MTSS1: variants seen among roughly 807,000 people sequenced by gnomAD.
MTSS1 encodes the protein protein MTSS 1.
A neutral mutation model predicts 79.0 loss-of-function variants in MTSS1; 18 were observed. The ratio of observed to expected loss-of-function variants is 0.23; its 90% CI spans 0.16 to 0.34. The LOEUF (loss-of-function observed/expected upper bound fraction) is 0.34. MTSS1 is among the 10% of genes least tolerant of loss of function. The pLI, the probability that MTSS1 is intolerant of heterozygous loss-of-function variation, is 1.00. For synonymous variants in MTSS1, 341 were observed against 368.6 expected, an observed-to-expected ratio of 0.93 and a Z score of 0.86; for missense variants, 815 against 986.2, an observed-to-expected ratio of 0.83 and a Z score of 2.33.
At chr8:124,682,596 A>C (rs1826302534) in intron 3 of MTSS1, among the ~76,000 whole-genome samples, 1 of 152,210 alleles carries the variant, frequency 6.6e-6, no homozygotes, top group African/African-American at 2.4e-5. Context: ...AGGAGGCTAA[A>C]GTGGCCGGTT....
At chr8:124,604,391 C>G (rs1834446140) in intron 3 of MTSS1, among the ~76,000 whole-genome samples, 1 of 152,052 alleles carries the variant, frequency 6.6e-6, no homozygotes, top group South Asian at 2.1e-4. Flanking sequence ...TTCAAGGAAA[C>G]TAAGAGAAGA....
At chr8:124,600,982 C>T (rs1833685683) in intron 3 of MTSS1, among the ~76,000 whole-genome samples, 1 of 152,140 alleles carries the variant, frequency 6.6e-6, no homozygotes, top group African/African-American at 2.4e-5. Context: ...CTGCCCCCAC[C>T]CCTTCAAAAC....
At chr8:124,573,811 T>C (rs547502089) in intron 6 of MTSS1, among the ~76,000 whole-genome samples, 1 of 152,222 alleles carries the variant, frequency 6.6e-6, no homozygotes, top group Non-Finnish European at 1.5e-5. Flanking sequence ...TTTGTTTTTT[T>C]CCTGGTGCTA....
intron 10 of MTSS1, among the ~76,000 whole-genome samples, chr8:124,561,287 G>A (rs1014813895): frequency 1.3e-4 from 20 of 152,172 alleles, no homozygotes; most frequent in South Asian, 4.2e-4. Flanking sequence ...GAATGGTGGC[G>A]CGTGCCTGTA....
chr8:124,648,969 G>C (rs1348617136), intron 3 of MTSS1, among the ~76,000 whole-genome samples: 2 of 152,246 alleles, frequency 1.3e-5, no homozygotes, highest in African/African-American at 4.8e-5. Flanking sequence ...AATGGATCCA[G>C]ATTAATCTTC....
intron 3 of MTSS1, among the ~76,000 whole-genome samples, chr8:124,674,586 C>T (rs866802288): frequency 1.3e-5 from 2 of 152,122 alleles, no homozygotes; most frequent in African/African-American, 2.4e-5. Context: ...CGCAGGGATC[C>T]GCCCCCCTCG....
At chr8:124,694,108 T>C (rs1828401342) in intron 3 of MTSS1, among the ~76,000 whole-genome samples, 1 of 152,232 alleles carries the variant, frequency 6.6e-6, no homozygotes, top group Non-Finnish European at 1.5e-5. Flanking sequence ...TTTTTTGTGC[T>C]ACACAGATTT....
At chr8:124,676,871 C>A (rs78026740) in intron 3 of MTSS1, among the ~76,000 whole-genome samples, 1 of 152,160 alleles carries the variant, frequency 6.6e-6, no homozygotes, top group African/African-American at 2.4e-5. Context: ...ACAAAACACA[C>A]GCTGATGAAA....
chr8:124,636,630 C>A (rs1334090988), intron 3 of MTSS1, among the ~76,000 whole-genome samples: 1 of 152,084 alleles, frequency 6.6e-6, no homozygotes, highest in Non-Finnish European at 1.5e-5. Flanking sequence ...TATCTATGAT[C>A]ACTGAGGCCT....
At chr8:124,670,198 C>T (rs1823861249) in intron 3 of MTSS1, among the ~76,000 whole-genome samples, 1 of 152,092 alleles carries the variant, frequency 6.6e-6, no homozygotes, top group African/African-American at 2.4e-5. Flanking sequence ...GCTGGGCGGT[C>T]AGAAAAGGCC....
At chr8:124,595,724 G>T (rs1832642790) in intron 3 of MTSS1, among the ~76,000 whole-genome samples, 1 of 152,088 alleles carries the variant, frequency 6.6e-6, no homozygotes, top group Non-Finnish European at 1.5e-5. Context: ...CAGGTTCTAG[G>T]GGTTAGAACG....
At chr8:124,589,016 A>G (rs554868765) in intron 5 of MTSS1, among the ~76,000 whole-genome samples, 2 of 148,268 alleles carry the variant, frequency 1.3e-5, no homozygotes, top group African/African-American at 5.0e-5. Context: ...CACCCGGCCT[A>G]TGATTTCTTC....
intron 3 of MTSS1, among the ~76,000 whole-genome samples, chr8:124,693,603 A>G (rs558276365): frequency 1.3e-5 from 2 of 152,334 alleles, no homozygotes; most frequent in Admixed American, 6.5e-5. Context: ...ATTAAAGCGC[A>G]TGTCTGATGG....
At chr8:124,558,022 G>T in intron 10 of MTSS1, 147 bp from the exon 11 acceptor site, 2 of 649,536 alleles carry the variant, frequency 3.1e-6, no homozygotes, top group Non-Finnish European at 5.1e-6. Context: ...TGCTGCTCAC[G>T]GATGATCTGT....
rs1272802091 is a variant in MTSS1 at position 124,585,074 on chromosome 8, T to G, written c.460+13A>C. The G allele has an allele frequency of 6.2e-7, 1 of 1,609,916 alleles. No individual in the cohort carries two copies. The highest frequency in any genetic ancestry group is 8.5e-7 in the Non-Finnish European group (1 of 1,177,864). ...TCAGGAAGTAACATCAGTGGCAGAA[T>G]TTTAGGAGTTACCTTTTTTTGCTTT... On this transcript the variant is annotated intron_variant, in intron 6 of 13. Coordinates refer to ENST00000518547, the MANE Select transcript of MTSS1 (RefSeq NM_014751.6).
In MTSS1 at chr8:124,563,020, T is replaced by C; in HGVS notation, c.825-28A>G. On this transcript the variant is annotated intron_variant, in intron 9 of 13. Transcript: ENST00000518547. ...GTGGAGGACAAGCAGGGGTGAGGGG[T>C]GGGCACGGAAGGTAAAGAAAGGGGA... The C allele has an allele frequency of 1.9e-6, 3 of 1,572,898 alleles. No homozygotes were observed. The South Asian group carries it at 3.5e-5, about 18-fold the overall frequency.
chr8:124,667,079 G>A (rs1823232354), intron 3 of MTSS1, among the ~76,000 whole-genome samples: 1 of 152,212 alleles, frequency 6.6e-6, no homozygotes, highest in Non-Finnish European at 1.5e-5. Context: ...TGGGATTCAG[G>A]TGGAGGGGAG....
rs1201750864 is a variant in MTSS1 at position 124,585,249 on chromosome 8, GA to G, written c.386-89del. 3.2e-6 allele frequency: 3 copies of G among 950,338 alleles called. No individual in the cohort carries two copies. The East Asian group carries it at 7.2e-5, about 23-fold the overall frequency. The allele number at this position is 950,338 out of a possible 1,614,324, so 58.9% of individuals were successfully genotyped here. A position where few individuals can be genotyped will look rare whatever the true frequency, so the allele number is the denominator to read the frequency against. ...GGAAACAGCCATTACATTTATCACA[GA>G]AAGCATAAACTGTGACATGCCGTCA... On this transcript the variant is annotated intron_variant, in intron 5 of 13. Transcript: ENST00000518547.
intron 3 of MTSS1, among the ~76,000 whole-genome samples, chr8:124,612,849 A>T (rs1836131222): frequency 6.6e-6 from 1 of 152,124 alleles, no homozygotes; most frequent in South Asian, 2.1e-4. Flanking sequence ...TAGGTTCAAA[A>T]GACTGAAACC....
Sources: gnomAD v4.1 joint callset for allele counts (sites outside exome capture counted in the v4.1 genomes callset) on GRCh38, gnomAD v4.1.1 for gene constraint, MANE v1.5 for transcripts, NCBI Gene and HGNC (gene_info 2026-07-23, HGNC 2026-07-21) for gene names.